Variants in CEP15 observed in about 807,000 individuals in gnomAD.
CEP15 encodes centrosomal protein 15 kDa.
At chr3:62,327,371 G>T in the CEP15 span, among the ~76,000 whole-genome samples, 2 of 152,138 alleles carry the variant, frequency 1.3e-5, no homozygotes, top group Admixed American at 1.3e-4. Flanking sequence ...TCAAAAATTC[G>T]TAATTAAATA....
chr3:62,327,485 C>T, the CEP15 span, among the ~76,000 whole-genome samples: 2 of 79,318 alleles, frequency 2.5e-5, no homozygotes, highest in Non-Finnish European at 4.9e-5. Context: ...TCAGTAGCCA[C>T]ATGAGAAGTT....
At chr3:62,320,484 T>C in the CEP15 span, 52 of 1,612,240 alleles carry the variant, frequency 3.2e-5, no homozygotes, top group African/African-American at 6.4e-4. Context: ...GACTTCCTTG[T>C]TTGCTCAAGA....
chr3:62,332,370 CAG>C, the CEP15 span, among the ~76,000 whole-genome samples: 1 of 152,250 alleles, frequency 6.6e-6, no homozygotes, highest in South Asian at 2.1e-4. Flanking sequence ...TTTCAACTTT[CAG>C]AACTGCTGTA....
the CEP15 span, among the ~76,000 whole-genome samples, chr3:62,326,829 T>C: frequency 6.6e-6 from 1 of 152,216 alleles, no homozygotes; most frequent in Non-Finnish European, 1.5e-5. Context: ...GTTTCACCTA[T>C]AGCTATTTCT....
the CEP15 span, chr3:62,331,394 C>A: frequency 6.2e-7 from 1 of 1,612,588 alleles, no homozygotes; most frequent in East Asian, 2.2e-5. Context: ...GGTGGTTTCT[C>A]TTGAGGTGAG....
the CEP15 span, among the ~76,000 whole-genome samples, chr3:62,324,636 G>A: frequency 6.6e-6 from 1 of 152,014 alleles, no homozygotes; most frequent in African/African-American, 2.4e-5. Context: ...CCACTGATCT[G>A]GGCTAATTCC....
the CEP15 span, chr3:62,322,124 A>T: frequency 1.3e-6 from 2 of 1,488,682 alleles, no homozygotes; most frequent in South Asian, 2.5e-5. This position sits in a 1 kb window ranked among gnomAD's most constrained non-coding sequence, Gnocchi z 5.5. Context: ...AGTTTCATAA[A>T]ATTGATTTAT....
the CEP15 span, chr3:62,320,499 C>T: frequency 1.6e-5 from 26 of 1,611,740 alleles, no homozygotes; most frequent in African/African-American, 1.9e-4. Flanking sequence ...TCAAGAAATT[C>T]GCCTTTCTAA....
chr3:62,328,531 A>C, the CEP15 span, among the ~76,000 whole-genome samples: 76 of 152,238 alleles, frequency 5.0e-4, 1 homozygote, highest in African/African-American at 1.8e-3. Context: ...TTGCTTTTTT[A>C]TTTGTCCTAT....
chr3:62,331,024 G>A, the CEP15 span, among the ~76,000 whole-genome samples: 1 of 152,056 alleles, frequency 6.6e-6, no homozygotes, highest in Non-Finnish European at 1.5e-5. Flanking sequence ...GCACTGAGCA[G>A]TATTATAAGA....
chr3:62,323,385 A>T, the CEP15 span, among the ~76,000 whole-genome samples: 2,026 of 152,316 alleles, frequency 0.013, 43 homozygotes, highest in African/African-American at 0.046. Context: ...AAGGCAAGGC[A>T]TACTGTTGGA....
At chr3:62,328,815 G>C in the CEP15 span, among the ~76,000 whole-genome samples, 2 of 151,892 alleles carry the variant, frequency 1.3e-5, no homozygotes, top group Non-Finnish European at 2.9e-5. Context: ...CTTACCTTCT[G>C]GTAGTATATA....
chr3:62,330,185 G>A, the CEP15 span, among the ~76,000 whole-genome samples: 2 of 151,892 alleles, frequency 1.3e-5, no homozygotes, highest in Non-Finnish European at 2.9e-5. Flanking sequence ...TGCTCCCGCC[G>A]CTACCATCTG....
the CEP15 span, among the ~76,000 whole-genome samples, chr3:62,320,855 C>T: frequency 6.6e-6 from 1 of 152,162 alleles, no homozygotes; most frequent in Non-Finnish European, 1.5e-5. Context: ...TATACAGTCA[C>T]AGGTCCTGCA....
At chr3:62,330,737 A>G in the CEP15 span, among the ~76,000 whole-genome samples, 2 of 152,208 alleles carry the variant, frequency 1.3e-5, no homozygotes, top group Non-Finnish European at 2.9e-5. Context: ...TCTAGACAGT[A>G]TAATGAAAAG....
chr3:62,331,222 A>T, the CEP15 span: 1 of 908,224 alleles, frequency 1.1e-6, no homozygotes, highest in Non-Finnish European at 1.8e-6. Flanking sequence ...TTATATCCAG[A>T]GAAGAGTTGA....
chr3:62,335,934 TAAG>T, the CEP15 span: 57 of 152,118 alleles, frequency 3.7e-4, no homozygotes, highest in Non-Finnish European at 6.2e-4. Context: ...GAAAAAAAAT[TAAG>T]AAGTATTAAG....
At chr3:62,322,039 C>T in the CEP15 span, 1 of 1,605,480 alleles carries the variant, frequency 6.2e-7, no homozygotes, top group Non-Finnish European at 8.5e-7. The surrounding 1 kb of genome is among the most constrained non-coding windows in gnomAD (Gnocchi z 5.5). Flanking sequence ...TAAAAGGAAC[C>T]TTAGTCTTTT....
the CEP15 span, chr3:62,331,248 A>T: frequency 5.6e-6 from 7 of 1,240,252 alleles, no homozygotes; most frequent in African/African-American, 7.4e-5. Context: ...GAGATTTGGG[A>T]TACAGATATT....
Sources: allele counts gnomAD v4.1 joint callset (sites outside exome capture counted in the v4.1 genomes callset), GRCh38; gene constraint gnomAD v4.1.1; non-coding constraint Gnocchi (gnomAD v3.1); transcripts MANE v1.5; gene names NCBI Gene and HGNC (gene_info 2026-07-23, HGNC 2026-07-21).